Variants in HEYL observed in about 807,000 individuals in gnomAD.
HEYL encodes hairy/enhancer-of-split related with YRPW motif-like protein.
HEYL carries 12 observed loss-of-function variants against 18.6 expected under a neutral mutation model. That is an observed-to-expected ratio of 0.65 (90% CI 0.41 to 1.05). The LOEUF (loss-of-function observed/expected upper bound fraction) is 1.05, where lower values mean the gene tolerates loss of function less well. Ranked by LOEUF, HEYL falls within the 50% of genes least tolerant of loss-of-function variation. The pLI is 0.00. For synonymous variants in HEYL, 159 were observed against 179.6 expected (o/e 0.89, Z 0.91); for missense variants, 420 against 444.7 (o/e 0.94, Z 0.50).
In HEYL at chr1:39,639,565, C is replaced by T. The variant is rs756564626; in HGVS notation, c.61G>A (p.Gly21Ser). ...CCTTACCTCAGCTGGCCCTCTTGGC[C>T]CACGTCGATGGGTCCGTCGGACTCC... The part of the protein sequence containing the change: ...DGESDGPIDV[G>S]QEGQLSQMAR... The change falls in exon 1 of 5, where the codon GGC becomes AGC. Residue 21 changes from glycine (G) to serine (S), a missense_variant. Transcript: ENST00000372852. 3 of 1,584,894 alleles carry T rather than the reference C, an allele frequency of 1.9e-6. No individual in the cohort carries two copies. In the South Asian group the frequency reaches 3.4e-5, roughly 18 times the overall value.
rs1436663191 is a variant in HEYL, at chr1:39,631,493, T to C, written c.231+3A>G. The C allele has an allele frequency of 1.9e-6, 3 of 1,613,610 alleles. No individual in the cohort carries two copies. The highest frequency in any genetic ancestry group is 1.7e-5 in the Admixed American group (1 of 60,020). ...CTCTAGCACAATCAGCAATGTCACA[T>C]ACCTGTTTCTCAAAGGCAGTGGGGA... On this transcript the variant is annotated splice_donor_region_variant and intron_variant, in intron 3 of 4. Coordinates refer to ENST00000372852, the MANE Select transcript of HEYL (RefSeq NM_014571.4).
chr1:39,637,854 A>G (rs922685162), intron 1 of HEYL, among the ~76,000 whole-genome samples: 6 of 152,196 alleles, frequency 3.9e-5, no homozygotes, highest in Admixed American at 6.5e-5. Context: ...CACAGCCCAC[A>G]GTCTGTCTCC....
chr1:39,636,503 T>G (rs2124122706), intron 1 of HEYL, among the ~76,000 whole-genome samples: 2 of 152,256 alleles, frequency 1.3e-5, no homozygotes, highest in East Asian at 3.9e-4. Context: ...CTTGACCTCG[T>G]GATCCACCCA....
At chr1:39,635,942 T>A (rs1570444566) in intron 1 of HEYL, among the ~76,000 whole-genome samples, 1 of 152,328 alleles carries the variant, frequency 6.6e-6, no homozygotes, top group Non-Finnish European at 1.5e-5. Flanking sequence ...ATGTTGACCA[T>A]CAAGATCTGC....
intron 1 of HEYL, among the ~76,000 whole-genome samples, chr1:39,634,691 T>A (rs555706168): frequency 6.6e-6 from 1 of 152,364 alleles, no homozygotes; most frequent in East Asian, 1.9e-4. Context: ...CCCTGCTCAA[T>A]ACTCTCCTAG....
At chr1:39,636,897 T>G (rs920008186) in intron 1 of HEYL, among the ~76,000 whole-genome samples, 3 of 152,108 alleles carry the variant, frequency 2.0e-5, no homozygotes, top group African/African-American at 7.2e-5. Flanking sequence ...GACAGCAACG[T>G]TTATTGGAAG....
At chr1:39,634,956 G>T (rs543151904) in intron 1 of HEYL, among the ~76,000 whole-genome samples, 20 of 152,320 alleles carry the variant, frequency 1.3e-4, no homozygotes, top group South Asian at 1.0e-3. Flanking sequence ...CTATGGCCTA[G>T]GACTTTGTGG....
chr1:39,634,421 C>T (rs1646351973), intron 1 of HEYL, among the ~76,000 whole-genome samples: 1 of 152,184 alleles, frequency 6.6e-6, no homozygotes, highest in African/African-American at 2.4e-5. Flanking sequence ...TCAAGGCCAC[C>T]ATCTTTCAGG....
chr1:39,629,977 C>T (rs1352297791), intron 4 of HEYL, among the ~76,000 whole-genome samples: 2 of 152,168 alleles, frequency 1.3e-5, no homozygotes, highest in Non-Finnish European at 2.9e-5. Context: ...CAGTCTGTTA[C>T]AGAAGAAAGC....
At chr1:39,627,484 A>G (rs555149568) in intron 4 of HEYL, among the ~76,000 whole-genome samples, 120 of 152,394 alleles carry the variant, frequency 7.9e-4, no homozygotes, top group Non-Finnish European at 5.4e-4. Flanking sequence ...TGTGGCCAAG[A>G]TAACTTCATT....
chr1:39,630,552 G>A (rs1319184258), intron 3 of HEYL, among the ~76,000 whole-genome samples: 1 of 152,134 alleles, frequency 6.6e-6, no homozygotes, highest in African/African-American at 2.4e-5. Context: ...TGACTTGCAC[G>A]ACACCACTGT....
intron 1 of HEYL, 82 bp downstream of exon 1, chr1:39,639,464 C>A: frequency 8.1e-7 from 1 of 1,231,232 alleles, no homozygotes; most frequent in South Asian, 1.4e-5. Context: ...GGAGGGCTGG[C>A]CCGCCTGCTC....
In HEYL at chr1:39,626,667, A is replaced by C; in HGVS notation, c.827T>G (p.Leu276Arg). Reference sequence around the variant, plus strand: ...AGGGGGTGTTGGGGAGGAAGACTGCAGGAGGGGAGCGATGTGGCTGCTCCT... The same window carrying C: ...AGGGGGTGTTGGGGAGGAAGACTGCCGGAGGGGAGCGATGTGGCTGCTCCT... ...AARSSHIAPL[L>R]QSSSPTPPGP... The change falls in exon 5 of 5, where the codon CTG (leucine) becomes CGG (arginine). Residue 276 changes from leucine (L) to arginine (R), a missense_variant. Transcript: ENST00000372852. The C allele has an allele frequency of 2.6e-6, 4 of 1,523,154 alleles. No individual in the cohort carries two copies. The highest frequency in any genetic ancestry group is 3.5e-6 in the Non-Finnish European group (4 of 1,135,034). The allele number at this position is 1,523,154 out of a possible 1,614,324, so 94.4% of individuals were successfully genotyped here.
intron 1 of HEYL, 149 bp from the exon 2 acceptor site, chr1:39,632,864 C>T: frequency 6.7e-7 from 1 of 1,496,684 alleles, no homozygotes; most frequent in East Asian, 2.3e-5. Context: ...CAACCCGGGT[C>T]AAGTCCTCTC....
chr1:39,632,750 T>C (rs778452825), intron 1 of HEYL, 35 bp from the exon 2 acceptor site: 1 of 1,611,784 alleles, frequency 6.2e-7, no homozygotes, highest in Non-Finnish European at 8.5e-7. Flanking sequence ...TTTTCAGGGC[T>C]GGGGGACAGT....
At chr1:39,637,182 A>G (rs1431873242) in intron 1 of HEYL, among the ~76,000 whole-genome samples, 3 of 152,044 alleles carry the variant, frequency 2.0e-5, no homozygotes, top group Non-Finnish European at 2.9e-5. Context: ...GCAGAGGGAG[A>G]GGAGAGGCTG....
chr1:39,627,238 G>A, intron 4 of HEYL, 58 bp from the exon 5 acceptor site: 1 of 1,493,048 alleles, frequency 6.7e-7, no homozygotes, highest in South Asian at 1.3e-5. Flanking sequence ...ATGGAGCCTG[G>A]GTCTGACTGT....
rs138992552 is a variant in HEYL at position 39,630,549 on chromosome 1, C to T, written c.232-241G>A. Among the ~76,000 whole-genome samples the T allele has an allele frequency of 4.2e-4, 64 of 152,344 alleles. 1 individual carries two copies. The highest frequency in any genetic ancestry group is 1.5e-3 in the African/African-American group (62 of 41,566). On this transcript the variant is annotated intron_variant, in intron 3 of 4. Transcript: ENST00000372852. ...CTGAAACCACTCCTCCCTTGACTTG[C>T]ACGACACCACTGTTTCTGGGCTCTC... is the stretch of plus-strand genomic sequence containing the variant.
rs778102766 is a variant in HEYL, at chr1:39,627,011, C to T, written c.483G>A (p.Glu161=). 6.2e-7 allele frequency: 1 copy of T among 1,614,044 alleles called. No individual in the cohort carries two copies. The highest frequency in any genetic ancestry group is 8.5e-7 in the Non-Finnish European group (1 of 1,180,010). ...AAGGGCCAGTGGGCGTGGGCGAAGG[C>T]TCCATCTCGGCTGCGTAGCTGTTGA... The part of the protein sequence containing the change: ...SHLNSYAAEM[E]PSPTPTGPLA... The change falls in exon 5 of 5, where the codon GAG becomes GAA. Residue 161 remains glutamate (E), a synonymous_variant. Transcript: ENST00000372852.
Sources: gnomAD v4.1 joint callset for allele counts (sites outside exome capture counted in the v4.1 genomes callset) on GRCh38, gnomAD v4.1.1 for gene constraint, MANE v1.5 for transcripts, NCBI Gene and HGNC (gene_info 2026-07-23, HGNC 2026-07-21) for gene names.